Variants in TRIP12 observed in about 807,000 individuals in gnomAD.
TRIP12 encodes the protein E3 ubiquitin-protein ligase TRIP12.
A neutral mutation model predicts 244.2 loss-of-function variants in TRIP12; 25 were observed. That is an observed-to-expected ratio of 0.10 (90% CI 0.07 to 0.14). TRIP12 has a LOEUF of 0.14. TRIP12 is among the 10% of genes least tolerant of loss of function. The pLI is 1.00. For synonymous variants in TRIP12, 905 were observed against 873.1 expected, an observed-to-expected ratio of 1.04 and a Z score of -0.64; for missense variants, 1,677 against 2,486.4, an observed-to-expected ratio of 0.67 and a Z score of 6.92.
chr2:229,793,161 G>A lies in TRIP12; in HGVS notation c.3969-16C>T, dbSNP rs1333297304. ...GAGAGAAAAGCTCAAGATAATTTGT[G>A]AAAAAAAAGTTAGTCTATTATTTTC... On this transcript the variant is annotated splice_polypyrimidine_tract_variant and intron_variant, in intron 26 of 41. Coordinates refer to ENST00000675903, the MANE Select transcript of TRIP12 (RefSeq NM_001348323.3). 6.3e-6 allele frequency: 10 copies of A among 1,588,366 alleles called. No individual in the cohort carries two copies. Among genetic ancestry groups the A allele is most frequent in the Admixed American group, 1.9e-5 (1 of 53,642 alleles).
At chr2:229,812,034 CAGAG>C (rs2047374858) in intron 13 of TRIP12, among the ~76,000 whole-genome samples, 1 of 152,170 alleles carries the variant, frequency 6.6e-6, no homozygotes, top group Admixed American at 6.5e-5. Context: ...TATCACATAA[CAGAG>C]AACACGCTTT....
At chr2:229,894,880 A>G (rs934078129) in intron 1 of TRIP12, among the ~76,000 whole-genome samples, 2 of 152,248 alleles carry the variant, frequency 1.3e-5, no homozygotes, top group Admixed American at 1.3e-4. Context: ...TGCCAGTCTG[A>G]GAACCATACT....
chr2:229,788,802 T>C lies in TRIP12; in HGVS notation c.4834A>G (p.Thr1612Ala). Residue 1612 changes from threonine to alanine, a missense_variant, in exon 32 of 42, where the codon ACC becomes GCC. By Grantham distance (58) the Thr-to-Ala change is moderately conservative. Coordinates refer to ENST00000675903, the MANE Select transcript of TRIP12 (RefSeq NM_001348323.3). ...TTACAGAAGTGATTGTCTTACCAGG[T>C]TTTTCCTAGCTCAGTAAGCCATGTT... ...IPTWLTELGK[T>A]CPFFFPFDTR... 6.2e-7 allele frequency: 1 copy of C among 1,612,266 alleles called. No homozygotes were observed. The highest frequency in any genetic ancestry group is 8.5e-7 in the Non-Finnish European group (1 of 1,179,562).
intron 30 of TRIP12, among the ~76,000 whole-genome samples, chr2:229,790,593 T>TA (rs1164245295): frequency 6.6e-6 from 1 of 152,034 alleles, no homozygotes; most frequent in Admixed American, 6.6e-5. Context: ...AAGGCACTGT[T>TA]AGTATCGTAT....
At chr2:229,786,006 G>A in intron 33 of TRIP12, 151 bp from the exon 34 acceptor site, 1 of 575,494 alleles carries the variant, frequency 1.7e-6, no homozygotes, top group Non-Finnish European at 2.8e-6. Flanking sequence ...AGGTTAAGAG[G>A]TAGCTGTATT....
rs777617845 is a variant in TRIP12, at chr2:229,859,021, G to T, written c.778C>A (p.Pro260Thr). ...TTTCCTTGTTTCACTCTGGCACCTG[G>T]TGGTACAGTGGAGGAGGCCGAGGCT... ...AVASASSTVPPGARVKQGKDQ... is the reference protein window; with the variant it reads ...AVASASSTVPTGARVKQGKDQ... The change falls in exon 4 of 42, where the codon CCA (proline) becomes ACA (threonine). Residue 260 changes from proline (P) to threonine (T), a missense_variant. By Grantham distance (38) the Pro-to-Thr change is conservative. Transcript: ENST00000675903. The T allele has an allele frequency of 1.9e-6, 3 of 1,614,206 alleles. No individual in the cohort carries two copies. The highest frequency in any genetic ancestry group is 2.5e-6 in the Non-Finnish European group (3 of 1,180,034).
intron 6 of TRIP12, among the ~76,000 whole-genome samples, chr2:229,835,678 A>C (rs1409775562): frequency 2.0e-5 from 3 of 152,240 alleles, no homozygotes; most frequent in Non-Finnish European, 4.4e-5. Context: ...TGTAGTGTAC[A>C]CTGTATATTA....
chr2:229,906,813 T>C (rs937858674), intron 1 of TRIP12, among the ~76,000 whole-genome samples: 2 of 152,034 alleles, frequency 1.3e-5, no homozygotes, highest in Admixed American at 6.6e-5. Flanking sequence ...ATATGGGATG[T>C]TCCTTACACT....
At chr2:229,791,287 A>G (rs1465567499) in intron 29 of TRIP12, 36 bp from the exon 30 acceptor site, 8 of 1,610,280 alleles carry the variant, frequency 5.0e-6, no homozygotes, top group Non-Finnish European at 4.2e-6. Context: ...CCAAATGTAG[A>G]TTTTGAAACT....
intron 2 of TRIP12, among the ~76,000 whole-genome samples, chr2:229,869,641 C>T (rs774628581): frequency 2.6e-5 from 4 of 152,128 alleles, no homozygotes; most frequent in African/African-American, 4.8e-5. Flanking sequence ...CTATAGAGCA[C>T]GGTGCTTACT....
chr2:229,839,611 A>C (rs2154308189), intron 5 of TRIP12, among the ~76,000 whole-genome samples: 1 of 152,014 alleles, frequency 6.6e-6, no homozygotes, highest in Admixed American at 6.6e-5. Context: ...CCCGGGAGGC[A>C]GAGTTTGCAG....
chr2:229,800,542 G>C (rs925399246), intron 21 of TRIP12, among the ~76,000 whole-genome samples: 4 of 151,532 alleles, frequency 2.6e-5, no homozygotes, highest in African/African-American at 9.7e-5. Flanking sequence ...TTGACAATCA[G>C]GAAAAATGAA....
At chr2:229,787,765 A>G in intron 32 of TRIP12, 104 bp from the exon 33 acceptor site, 1 of 1,058,846 alleles carries the variant, frequency 9.4e-7, no homozygotes, top group Non-Finnish European at 1.3e-6. Flanking sequence ...ATGATATAGA[A>G]AATTGTAAAT....
chr2:229,879,486 A>AT (rs2064370245), intron 2 of TRIP12, among the ~76,000 whole-genome samples: 1 of 152,358 alleles, frequency 6.6e-6, no homozygotes, highest in African/African-American at 2.4e-5. Flanking sequence ...CACTAAAAAC[A>AT]TAAGACAACT....
Position 229,815,311 on chromosome 2 carries a change from G to A in TRIP12, c.1600-3C>T. On this transcript the variant is annotated splice_polypyrimidine_tract_variant and splice_region_variant and intron_variant, in intron 9 of 41. Transcript: ENST00000675903. The stretch of plus-strand genomic sequence containing the variant: ...TGCTCCATCTGAAGTAACGTAATCT[G>A]TTAAAAAGATAACAAAATATTAGAA... 1 of 1,404,738 alleles carries A rather than the reference G, an allele frequency of 7.1e-7. No homozygotes were observed. The highest frequency in any genetic ancestry group is 9.9e-7 in the Non-Finnish European group (1 of 1,009,752). 87.0% of individuals were successfully genotyped at this position (1,404,738 alleles called of 1,614,324 possible). A position where few individuals can be genotyped will look rare whatever the true frequency, so the allele number is the denominator to read the frequency against.
At position 229,830,804 on chromosome 2, in the gene TRIP12, T is replaced by C; in HGVS notation, c.1306A>G (p.Thr436Ala). 1.2e-6 allele frequency: 2 copies of C among 1,614,082 alleles called. 1 individual carries two copies. The highest frequency in any genetic ancestry group is 2.2e-5 in the South Asian group (2 of 91,068). The change falls in exon 7 of 42, where the codon ACC becomes GCC. Residue 436 changes from threonine to alanine, a missense_variant. Transcript: ENST00000675903. Reference protein sequence around the residue: ...SSVAGAVGMTTSGESESDDSE... With the variant: ...SSVAGAVGMTASGESESDDSE... ...TCATCTGATTCACTCTCCCCAGAGGTGGTCATGCCAACAGCCCCTGCAACA... is the reference window on the plus strand; with the variant it reads ...TCATCTGATTCACTCTCCCCAGAGGCGGTCATGCCAACAGCCCCTGCAACA...
intron 4 of TRIP12, among the ~76,000 whole-genome samples, chr2:229,848,933 A>G (rs2058106841): frequency 6.6e-6 from 1 of 152,224 alleles, no homozygotes; most frequent in Non-Finnish European, 1.5e-5. Flanking sequence ...AATAAATTGT[A>G]AATTATTAAA....
chr2:229,903,010 C>CTTTTCTTTTTTTTTTTTTTTTTTT (rs1560250130), intron 1 of TRIP12, among the ~76,000 whole-genome samples: 1 of 25,668 alleles, frequency 3.9e-5, no homozygotes, highest in Non-Finnish European at 8.5e-5. Context: ...TTTTCTTTTT[C>CTTTTCTTTTTTTTTTTTTTTTTTT]TTTTTTTCTT....
chr2:229,847,927 G>A (rs2057912664), intron 4 of TRIP12, among the ~76,000 whole-genome samples: 2 of 152,180 alleles, frequency 1.3e-5, no homozygotes, highest in Non-Finnish European at 1.5e-5. Context: ...ATAAGAGGGA[G>A]AGAAGGGAAT....
Sources: gnomAD v4.1 joint callset for allele counts (sites outside exome capture counted in the v4.1 genomes callset) on GRCh38, gnomAD v4.1.1 for gene constraint, MANE v1.5 for transcripts, NCBI Gene and HGNC (gene_info 2026-07-23, HGNC 2026-07-21) for gene names.